Variants in SLC24A2 observed in about 807,000 individuals in gnomAD.
SLC24A2 encodes solute carrier family 24 member 2, also known as sodium/potassium/calcium exchanger 2.
In SLC24A2, 36 loss-of-function variants were observed where a neutral mutation model predicts 62.0. The ratio of observed to expected loss-of-function variants is 0.58; its 90% CI spans 0.44 to 0.77. SLC24A2 has a LOEUF of 0.77. Among genes scored for constraint, SLC24A2 ranks in the 30% least tolerant of loss-of-function variants. SLC24A2 has a pLI of 0.00. For synonymous variants in SLC24A2, 358 were observed against 294.0 expected (o/e 1.22, Z -2.23); for missense variants, 846 against 817.9 (o/e 1.03, Z -0.42).
At chr9:19,750,635 A>G (rs1261801342) in intron 2 of SLC24A2, among the ~76,000 whole-genome samples, 1 of 152,132 alleles carries the variant, frequency 6.6e-6, no homozygotes, top group Non-Finnish European at 1.5e-5. Flanking sequence ...ATCTTTATAA[A>G]ATGCAATTTT....
At chr9:19,990,049 G>A in the SLC24A2 span, among the ~76,000 whole-genome samples, 1 of 152,158 alleles carries the variant, frequency 6.6e-6, no homozygotes. Context: ...TTAGAGTTAT[G>A]TATAAGACTA....
At chr9:19,933,245 C>T in the SLC24A2 span, among the ~76,000 whole-genome samples, 2 of 152,124 alleles carry the variant, frequency 1.3e-5, no homozygotes, top group African/African-American at 2.4e-5. Flanking sequence ...ACCCCTCTTG[C>T]CTGATCTAAA....
At chr9:20,072,384 T>A in the SLC24A2 span, among the ~76,000 whole-genome samples, 1 of 152,098 alleles carries the variant, frequency 6.6e-6, no homozygotes, top group Non-Finnish European at 1.5e-5. Flanking sequence ...GTCAGACAGA[T>A]TTTGTTTCCT....
chr9:19,664,958 T>C (rs1195462790), intron 2 of SLC24A2, among the ~76,000 whole-genome samples: 1 of 152,070 alleles, frequency 6.6e-6, no homozygotes, highest in African/African-American at 2.4e-5. Flanking sequence ...AAACTGCCCG[T>C]TTGTGGTAGT....
At chr9:19,653,390 T>C (rs186407060) in intron 2 of SLC24A2, among the ~76,000 whole-genome samples, 192 of 152,316 alleles carry the variant, frequency 1.3e-3, no homozygotes, top group Non-Finnish European at 2.1e-3. Flanking sequence ...CATATGTGTC[T>C]TCTTTGGTGC....
chr9:19,670,974 T>C (rs1819396616), intron 2 of SLC24A2, among the ~76,000 whole-genome samples: 1 of 152,118 alleles, frequency 6.6e-6, no homozygotes, highest in Non-Finnish European at 1.5e-5. Flanking sequence ...TCTGTGATCA[T>C]TTACTATTTA....
chr9:19,909,282 TGAG>T, the SLC24A2 span, among the ~76,000 whole-genome samples: 1 of 148,610 alleles, frequency 6.7e-6, no homozygotes, highest in Non-Finnish European at 1.5e-5. Context: ...AATTGAACAA[TGAG>T]AACACATGGA....
At chr9:19,918,737 G>A in the SLC24A2 span, among the ~76,000 whole-genome samples, 1 of 152,190 alleles carries the variant, frequency 6.6e-6, no homozygotes, top group Admixed American at 6.5e-5. Flanking sequence ...CCACCCACAT[G>A]TGGTCCAAGA....
chr9:19,898,128 C>A, the SLC24A2 span, among the ~76,000 whole-genome samples: 1 of 152,158 alleles, frequency 6.6e-6, no homozygotes, highest in Non-Finnish European at 1.5e-5. Flanking sequence ...GCACTAGTGC[C>A]TGGAGTGAAT....
chr9:19,669,678 T>A (rs1304743539), intron 2 of SLC24A2, among the ~76,000 whole-genome samples: 1 of 152,168 alleles, frequency 6.6e-6, no homozygotes, highest in Non-Finnish European at 1.5e-5. Flanking sequence ...GTCCTCTATC[T>A]TCAAAACCAG....
the SLC24A2 span, among the ~76,000 whole-genome samples, chr9:20,194,086 T>G: frequency 1.3e-5 from 2 of 152,112 alleles, no homozygotes; most frequent in Non-Finnish European, 2.9e-5. Context: ...GCTGGGTTTT[T>G]TTTTGGGAAA....
the SLC24A2 span, among the ~76,000 whole-genome samples, chr9:20,179,921 C>T: frequency 6.6e-6 from 1 of 152,134 alleles, no homozygotes. Flanking sequence ...AAAATTTTTC[C>T]TAAGATGACA....
intron 2 of SLC24A2, among the ~76,000 whole-genome samples, chr9:19,709,458 A>C (rs973719721): frequency 1.3e-5 from 2 of 152,142 alleles, no homozygotes; most frequent in Admixed American, 6.5e-5. Context: ...ATGCACACGT[A>C]TGTTTATTGC....
the SLC24A2 span, among the ~76,000 whole-genome samples, chr9:19,952,784 C>T: frequency 0.26 from 39,243 of 151,148 alleles, 5,637 homozygotes; most frequent in South Asian, 0.4. Flanking sequence ...GTATTTTCTA[C>T]ACCTCTGTTT....
chr9:19,580,656 A>C (rs889169855), intron 5 of SLC24A2, among the ~76,000 whole-genome samples: 1 of 152,218 alleles, frequency 6.6e-6, no homozygotes, highest in African/African-American at 2.4e-5. Context: ...GGGACAGCAC[A>C]ATTTCATGCT....
At chr9:19,934,700 G>C in the SLC24A2 span, among the ~76,000 whole-genome samples, 1 of 152,180 alleles carries the variant, frequency 6.6e-6, no homozygotes, top group African/African-American at 2.4e-5. The surrounding 1 kb of genome is among the most constrained non-coding windows in gnomAD (Gnocchi z 4.1). Context: ...AGAGCTTTCC[G>C]AGAGGAAACG....
chr9:20,072,946 T>G, the SLC24A2 span, among the ~76,000 whole-genome samples: 1 of 152,168 alleles, frequency 6.6e-6, no homozygotes, highest in East Asian at 1.9e-4. Flanking sequence ...ACTAAGTTTG[T>G]GCTGATTTGT....
chr9:19,826,623 A>C, the SLC24A2 span, among the ~76,000 whole-genome samples: 1 of 152,192 alleles, frequency 6.6e-6, no homozygotes, highest in East Asian at 1.9e-4. Context: ...TGGAGGGGAC[A>C]AACACTGTGT....
At chr9:19,689,418 A>T (rs915893867) in intron 2 of SLC24A2, among the ~76,000 whole-genome samples, 2 of 152,290 alleles carry the variant, frequency 1.3e-5, no homozygotes, top group Non-Finnish European at 2.9e-5. Flanking sequence ...TAGTAAGGGG[A>T]GCTGCTGAAA....
Sources: allele counts gnomAD v4.1 joint callset (sites outside exome capture counted in the v4.1 genomes callset), GRCh38; gene constraint gnomAD v4.1.1; non-coding constraint Gnocchi (gnomAD v3.1); transcripts MANE v1.5; gene names NCBI Gene and HGNC (gene_info 2026-07-23, HGNC 2026-07-21).